The following FPR3 variants were observed in gnomAD, a reference collection of about 807,000 sequenced individuals.
The protein encoded by FPR3 is formyl peptide receptor 3, also known as N-formyl peptide receptor 3.
For missense variants in FPR3, 346 were observed against 443.2 expected (o/e 0.78, Z 1.97); for synonymous variants, 135 against 163.6 (o/e 0.83, Z 1.34).
chr19:51,804,499 G>C (rs570114746), intron 1 of FPR3, among the ~76,000 whole-genome samples: 1 of 152,072 alleles, frequency 6.6e-6, no homozygotes, highest in Non-Finnish European at 1.5e-5. Context: ...AATTTGATTT[G>C]ATTGGGAATT....
chr19:51,803,906 G>A (rs1420391605), intron 1 of FPR3: 3 of 152,074 alleles, frequency 2.0e-5, no homozygotes, highest in Non-Finnish European at 2.9e-5. Context: ...TCATTGCATC[G>A]TGGTATATTG....
intron 1 of FPR3, among the ~76,000 whole-genome samples, chr19:51,822,981 G>A (rs928774599): frequency 2.6e-5 from 4 of 152,050 alleles, no homozygotes; most frequent in African/African-American, 9.7e-5. Flanking sequence ...TCCTGCCTCA[G>A]CCTCCTAAGT....
intron 1 of FPR3, among the ~76,000 whole-genome samples, chr19:51,819,201 C>T (rs1310883574): frequency 6.6e-6 from 1 of 152,128 alleles, no homozygotes; most frequent in Admixed American, 6.6e-5. Context: ...GGACAAGCAA[C>T]AGTTTAGTTT....
chr19:51,814,291 C>G (rs1047432275), intron 1 of FPR3, among the ~76,000 whole-genome samples: 16 of 152,146 alleles, frequency 1.1e-4, no homozygotes, highest in African/African-American at 3.4e-4. Context: ...CGATTTAGAC[C>G]TTTAACTCTT....
At position 51,814,193 on chromosome 19, in the gene FPR3, G is replaced by A. The variant is rs79567147; in HGVS notation, c.-10-9546G>A. On this transcript the variant is annotated intron_variant, in intron 1 of 1. Coordinates refer to ENST00000339223, the MANE Select transcript of FPR3 (RefSeq NM_002030.5). ...AAAATAGTTGACTCCTGTTTTCTGC[G>A]TCTCCACTTGTCTTCATGGTTGTGT... Among the ~76,000 whole-genome samples the A allele has an allele frequency of 7.2e-5, 11 of 152,226 alleles. No homozygotes were observed. In the East Asian group the frequency reaches 1.2e-3, roughly 16 times the overall value.
rs747827538 is a variant in FPR3, at chr19:51,824,997, C to T, written c.*187C>T. On this transcript the variant is annotated 3_prime_UTR_variant, in exon 2 of 2. Coordinates refer to ENST00000339223, the MANE Select transcript of FPR3 (RefSeq NM_002030.5). This position sits in a 1 kb window ranked among gnomAD's most constrained non-coding sequence, Gnocchi z 4.7. ...CAATAGACACCAGCTGGGTGTCCTA[C>T]AATTAAATTCCAACACTATCTACCT... The T allele has an allele frequency of 1.5e-5, 9 of 587,404 alleles. No homozygotes were observed. The highest frequency in any genetic ancestry group is 6.8e-5 in the South Asian group (3 of 44,064). 36.4% of individuals were successfully genotyped at this position (587,404 alleles called of 1,614,324 possible).
intron 1 of FPR3, among the ~76,000 whole-genome samples, chr19:51,801,280 T>C (rs2084025454): frequency 6.6e-6 from 1 of 152,006 alleles, no homozygotes; most frequent in African/African-American, 2.4e-5. Flanking sequence ...ATTAAATCCA[T>C]TATATATGCA....
chr19:51,804,432 G>A (rs1216927808), intron 1 of FPR3, among the ~76,000 whole-genome samples: 1 of 151,948 alleles, frequency 6.6e-6, no homozygotes, highest in Non-Finnish European at 1.5e-5. Context: ...GTAAACATAG[G>A]ACAAATAGGT....
At chr19:51,800,199 G>A (rs1016048760) in intron 1 of FPR3, among the ~76,000 whole-genome samples, 2 of 152,186 alleles carry the variant, frequency 1.3e-5, no homozygotes, top group African/African-American at 4.8e-5. Flanking sequence ...TGCCTCCTTG[G>A]TTGCTGCATT....
rs1189636765 is a variant in FPR3, at chr19:51,825,555, A to G, written c.*745A>G. On this transcript the variant is annotated 3_prime_UTR_variant, in exon 2 of 2. Coordinates refer to ENST00000339223, the MANE Select transcript of FPR3 (RefSeq NM_002030.5). The stretch of plus-strand genomic sequence containing the variant: ...TTTCCTGAGGCTTAATACACCCAAC[A>G]TTATAACAAAGGACTGTAGCAAGGG... 6.0e-6 allele frequency: 1 copy of G among 167,132 alleles called. No individual in the cohort carries two copies. Among genetic ancestry groups the G allele is most frequent in the East Asian group, 1.9e-4 (1 of 5,198 alleles). The allele number at this position is 167,132 out of a possible 1,614,324, so 10.4% of individuals were successfully genotyped here.
intron 1 of FPR3, among the ~76,000 whole-genome samples, chr19:51,820,152 A>G (rs1450159203): frequency 6.6e-6 from 1 of 152,216 alleles, no homozygotes; most frequent in African/African-American, 2.4e-5. Context: ...TTGAGGAGAA[A>G]GCAGAAGGGC....
chr19:51,815,866 AAAAAAGAAAAAAG>A (rs2084132188), intron 1 of FPR3, among the ~76,000 whole-genome samples: 2 of 147,734 alleles, frequency 1.4e-5, no homozygotes, highest in Admixed American at 6.8e-5. Flanking sequence ...TGTCTCAAAA[AAAAAAGAAAAAAG>A]AAAAAAGAAA....
chr19:51,795,867 A>G (rs2083995680), intron 1 of FPR3, among the ~76,000 whole-genome samples: 1 of 151,996 alleles, frequency 6.6e-6, no homozygotes, highest in Non-Finnish European at 1.5e-5. Context: ...TAATTTCCCC[A>G]AAGGTGTTTT....
chr19:51,803,474 CCT>C (rs1032206224), intron 1 of FPR3, among the ~76,000 whole-genome samples: 1 of 152,080 alleles, frequency 6.6e-6, no homozygotes, highest in African/African-American at 2.4e-5. Context: ...TTATCAATGT[CCT>C]CTCTCACTCC....
intron 1 of FPR3, among the ~76,000 whole-genome samples, chr19:51,809,017 C>G (rs2084079644): frequency 6.6e-6 from 1 of 152,164 alleles, no homozygotes; most frequent in Admixed American, 6.5e-5. Flanking sequence ...CGTCCTAGCC[C>G]TTTTCTATCT....
intron 1 of FPR3, chr19:51,817,664 C>T (rs574060234): frequency 4.5e-4 from 68 of 152,264 alleles, no homozygotes; most frequent in African/African-American, 1.6e-3. Context: ...CTCATCAATA[C>T]AGGCATTCTG....
At chr19:51,795,499 A>C (rs2083990619) in intron 1 of FPR3, among the ~76,000 whole-genome samples, 168 bp downstream of exon 1, 2 of 85,350 alleles carry the variant, frequency 2.3e-5, no homozygotes, top group Non-Finnish European at 2.3e-5. Flanking sequence ...TGTTCCAGTA[A>C]CATTCTTTTT....
At chr19:51,798,320 G>A (rs967276710) in intron 1 of FPR3, among the ~76,000 whole-genome samples, 5 of 152,018 alleles carry the variant, frequency 3.3e-5, no homozygotes, top group African/African-American at 1.2e-4. Flanking sequence ...CTGGATAGCG[G>A]CCAGGGGTGC....
At chr19:51,797,900 T>G (rs892540396) in intron 1 of FPR3, among the ~76,000 whole-genome samples, 9 of 146,102 alleles carry the variant, frequency 6.2e-5, no homozygotes, top group African/African-American at 2.3e-4. Context: ...TTTTTTTTTT[T>G]GAGACGGAGT....
Sources: allele counts gnomAD v4.1 joint callset (sites outside exome capture counted in the v4.1 genomes callset), GRCh38; gene constraint gnomAD v4.1.1; non-coding constraint Gnocchi (gnomAD v3.1); transcripts MANE v1.5; gene names NCBI Gene and HGNC (gene_info 2026-07-23, HGNC 2026-07-21).